The following LYPD8 variants were observed in gnomAD, a reference collection of about 807,000 sequenced individuals.
The protein encoded by LYPD8 is LY6/PLAUR domain containing 8, also known as ly6/PLAUR domain-containing protein 8.
A neutral mutation model predicts 1.7 loss-of-function variants in LYPD8; 8 were observed. That is an observed-to-expected ratio of 4.58 (90% CI 2.69 to 8.27). The LOEUF is 8.27. LYPD8 is among the 30% of genes most tolerant of loss of function. The probability of loss-of-function intolerance (pLI) is 0.00; values close to 1 mark genes in which losing one functional copy is unlikely to be tolerated. For missense variants in LYPD8, 112 were observed against 102.3 expected, an observed-to-expected ratio of 1.09 and a Z score of -0.41; for synonymous variants, 50 against 43.6, an observed-to-expected ratio of 1.15 and a Z score of -0.58.
chr1:248,752,909 CACACACCA>C (rs1662839441), intron 2 of LYPD8, among the ~76,000 whole-genome samples: 1 of 100,534 alleles, frequency 9.9e-6, no homozygotes, highest in Non-Finnish European at 2.0e-5. Flanking sequence ...ACACACACCC[CACACACCA>C]ACACACCACA....
intron 2 of LYPD8, among the ~76,000 whole-genome samples, chr1:248,753,134 CACACCCCACACACAA>C (rs1231560290): frequency 3.3e-5 from 4 of 121,632 alleles, no homozygotes; most frequent in Non-Finnish European, 5.2e-5. Context: ...ACACAACACA[CACACCCCACACACAA>C]ACACCCCACA....
At chr1:248,754,225 C>CACACAA (rs1662888513) in intron 2 of LYPD8, among the ~76,000 whole-genome samples, 2 of 135,094 alleles carry the variant, frequency 1.5e-5, no homozygotes, top group Non-Finnish European at 3.2e-5. Context: ...ATACAACACA[C>CACACAA]CACACACATT....
At chr1:248,741,884 G>C (rs1662606203) in intron 6 of LYPD8, among the ~76,000 whole-genome samples, 1 of 152,216 alleles carries the variant, frequency 6.6e-6, no homozygotes, top group East Asian at 1.9e-4. Flanking sequence ...TCAACTATAG[G>C]ATAGTGTGGA....
intron 2 of LYPD8, 84 bp downstream of exon 2, chr1:248,755,155 C>A (rs1295903836): frequency 6.6e-6 from 1 of 152,228 alleles, no homozygotes; most frequent in African/African-American, 2.4e-5. Flanking sequence ...TGGGAGTGAC[C>A]CCATAGCAGG....
chr1:248,752,734 TCA>T (rs1474472984), intron 2 of LYPD8, among the ~76,000 whole-genome samples: 1 of 23,312 alleles, frequency 4.3e-5, no homozygotes, highest in Non-Finnish European at 8.1e-5. Context: ...CACACACACA[TCA>T]CACACACCAC....
chr1:248,754,105 C>T, intron 2 of LYPD8, among the ~76,000 whole-genome samples: 1 of 136,870 alleles, frequency 7.3e-6, no homozygotes, highest in Non-Finnish European at 1.6e-5. Flanking sequence ...ACAAATACCA[C>T]ACCACACACC....
rs1362965007 is a variant in LYPD8, at chr1:248,750,880, C to T, written c.52+150G>A. On this transcript the variant is annotated intron_variant, in intron 3 of 6. Transcript: ENST00000590317. Reference sequence around the variant, plus strand: ...CCTTCAACAACAATACAGAGTGGCCCCTTCAAAGCAGGCTGCACGGACAGG... The same window carrying T: ...CCTTCAACAACAATACAGAGTGGCCTCTTCAAAGCAGGCTGCACGGACAGG... The T allele has an allele frequency of 1.8e-5, 7 of 397,822 alleles. No individual in the cohort carries two copies. The South Asian group carries it at 4.2e-4, about 24-fold the overall frequency. 24.6% of individuals were successfully genotyped at this position (397,822 alleles called of 1,614,324 possible). A position where few individuals can be genotyped will look rare whatever the true frequency, so the allele number is the denominator to read the frequency against.
chr1:248,745,883 A>G (rs1361050122), intron 5 of LYPD8, among the ~76,000 whole-genome samples: 6 of 152,230 alleles, frequency 3.9e-5, no homozygotes, highest in African/African-American at 1.4e-4. Context: ...AACCATACTC[A>G]TGATAATACT....
chr1:248,742,530 C>T (rs574665871), intron 6 of LYPD8, among the ~76,000 whole-genome samples: 1 of 45,920 alleles, frequency 2.2e-5, no homozygotes, highest in Non-Finnish European at 3.6e-5. Flanking sequence ...ATGTTGGCAG[C>T]GGGGAGATTA....
intron 5 of LYPD8, among the ~76,000 whole-genome samples, chr1:248,745,622 A>T (rs901754211): frequency 6.6e-6 from 1 of 152,250 alleles, no homozygotes; most frequent in South Asian, 2.1e-4. Flanking sequence ...GGTGAGTGTT[A>T]CTAAATCCTG....
chr1:248,742,031 T>C (rs563671863), intron 6 of LYPD8, among the ~76,000 whole-genome samples: 1 of 152,364 alleles, frequency 6.6e-6, no homozygotes, highest in South Asian at 2.1e-4. Context: ...CAATGGTGGA[T>C]GTATATCATT....
intron 6 of LYPD8, among the ~76,000 whole-genome samples, chr1:248,742,015 C>A (rs541990666): frequency 1.9e-4 from 29 of 152,292 alleles, no homozygotes; most frequent in Middle Eastern, 3.4e-3. Flanking sequence ...CTATATGGTA[C>A]TACTACAATG....
chr1:248,751,903 C>A (rs1662807696), intron 2 of LYPD8, among the ~76,000 whole-genome samples: 1 of 152,128 alleles, frequency 6.6e-6, no homozygotes, highest in Non-Finnish European at 1.5e-5. Flanking sequence ...CCTTGCATTC[C>A]CTGCCTGCAG....
In LYPD8 at chr1:248,739,488, A is replaced by G. The variant is rs1572150722; in HGVS notation, c.*123T>C. On this transcript the variant is annotated 3_prime_UTR_variant, in exon 7 of 7. Transcript: ENST00000590317. This position sits in a 1 kb window ranked among gnomAD's most constrained non-coding sequence, Gnocchi z 4.3. ...TGTCGGCATTGCCTGGAGACCTGTG[A>G]CTCCCACTTACTGGGCAGTTAAACG... The G allele has an allele frequency of 7.5e-7, 1 of 1,337,404 alleles. No individual in the cohort carries two copies. The highest frequency in any genetic ancestry group is 1.0e-6 in the Non-Finnish European group (1 of 983,762). The allele number at this position is 1,337,404 out of a possible 1,614,324, so 82.8% of individuals were successfully genotyped here.
intron 6 of LYPD8, among the ~76,000 whole-genome samples, chr1:248,740,732 A>G (rs1553283246): frequency 2.6e-5 from 4 of 151,362 alleles, no homozygotes; most frequent in Admixed American, 6.6e-5. Flanking sequence ...CAGGGCCACA[A>G]TTTGAGTTCA....
At chr1:248,749,383 T>C (rs1207219265) in intron 4 of LYPD8, among the ~76,000 whole-genome samples, 7 of 152,228 alleles carry the variant, frequency 4.6e-5, no homozygotes, top group African/African-American at 1.2e-4. Flanking sequence ...TTTTCTCAGG[T>C]ATGATAACAG....
In LYPD8 at chr1:248,752,593, A is replaced by G. The variant is rs1166849081; in HGVS notation, c.-49-1463T>C. ...AACACACACATCACACACACACCAC[A>G]CACCCCACACACCCCACACACATCA... On this transcript the variant is annotated intron_variant, in intron 2 of 6. Transcript: ENST00000590317. Among the ~76,000 whole-genome samples, 945 of 129,218 alleles carry G rather than the reference A, an allele frequency of 7.3e-3. 13 individuals carry two copies. The highest frequency in any genetic ancestry group is 0.021 in the South Asian group (82 of 3,990). The allele number at this position is 129,218 out of a possible 152,430, so 84.8% of individuals were successfully genotyped here. A position where few individuals can be genotyped will look rare whatever the true frequency, so the allele number is the denominator to read the frequency against.
intron 6 of LYPD8, among the ~76,000 whole-genome samples, chr1:248,742,124 A>G (rs1662611209): frequency 6.6e-6 from 1 of 152,250 alleles, no homozygotes; most frequent in Admixed American, 6.5e-5. Context: ...AGGCTGTATC[A>G]ATGTAGCCTC....
Position 248,748,322 on chromosome 1 carries a change from C to T in LYPD8, c.304G>A (p.Gly102Arg). The T allele has an allele frequency of 2.1e-6, 1 of 470,546 alleles. No individual in the cohort carries two copies. Among genetic ancestry groups the T allele is most frequent in the Non-Finnish European group, 3.7e-6 (1 of 269,648 alleles). The allele number at this position is 470,546 out of a possible 1,614,324, so 29.1% of individuals were successfully genotyped here. A position where few individuals can be genotyped will look rare whatever the true frequency, so the allele number is the denominator to read the frequency against. ...TCGCTGGTGTTGCTGCATTCCTTTC[C>T]TTGGCAGCACTGGCTTACAAAATGA... Reference protein sequence around the residue: ...HFHFVSQCCQGKECSNTSDAL... With the variant: ...HFHFVSQCCQRKECSNTSDAL... The change falls in exon 5 of 7, where the codon GGA (glycine) becomes AGA (arginine). Residue 102 changes from glycine (G) to arginine (R), a missense_variant. By Grantham distance (125) the Gly-to-Arg change is moderately radical (BLOSUM62 -2). Transcript: ENST00000590317.
Sources: gnomAD v4.1 joint callset for allele counts (sites outside exome capture counted in the v4.1 genomes callset) on GRCh38, gnomAD v4.1.1 for gene constraint, Gnocchi (gnomAD v3.1) non-coding constraint, MANE v1.5 for transcripts, NCBI Gene and HGNC (gene_info 2026-07-23, HGNC 2026-07-21) for gene names.